CDH4: variants seen among roughly 807,000 people sequenced by gnomAD.
CDH4 encodes cadherin 4.
A neutral mutation model predicts 86.0 loss-of-function variants in CDH4; 33 were observed. The ratio of observed to expected loss-of-function variants is 0.38; its 90% confidence interval spans 0.29 to 0.51. The LOEUF (loss-of-function observed/expected upper bound fraction) is 0.51, where lower values mean the gene tolerates loss of function less well. Ranked by LOEUF, CDH4 falls within the 20% of genes least tolerant of loss-of-function variation. CDH4 has a pLI of 0.86. For missense variants in CDH4, 1,114 were observed against 1,307.4 expected (o/e 0.85, Z 2.28); for synonymous variants, 555 against 549.4 (o/e 1.01, Z -0.14).
intron 2 of CDH4, among the ~76,000 whole-genome samples, chr20:61,275,261 TGGGGGAGCACCATGCGCAGTTG>T (rs2084222562): frequency 7.9e-5 from 9 of 114,194 alleles, no homozygotes; most frequent in Non-Finnish European, 1.2e-4. Context: ...GTGTGCAGTT[TGGGGGAGCACCATGCGCAGTTG>T]GGGGGAGCAC....
intron 2 of CDH4, among the ~76,000 whole-genome samples, chr20:61,315,861 G>A (rs1333738420): frequency 6.6e-6 from 1 of 152,136 alleles, no homozygotes; most frequent in Non-Finnish European, 1.5e-5. Flanking sequence ...ACACCACCAT[G>A]TCCAGCTAAT....
In CDH4 at chr20:61,415,980, G is replaced by A. The variant is rs557714655; in HGVS notation, c.169+161043G>A. 5.3e-5 allele frequency among the ~76,000 whole-genome samples: 8 copies of A among 150,422 alleles called. 1 individual carries two copies. Among genetic ancestry groups the A allele is most frequent in the South Asian group, 4.2e-4 (2 of 4,744 alleles). ...CTCCTAAAGTGCTAGGATTACAGGC[G>A]TGAGCCACCATGCCTGGCCTCTCCT... On this transcript the variant is annotated intron_variant, in intron 2 of 15. Coordinates refer to ENST00000614565, the MANE Select transcript of CDH4 (RefSeq NM_001794.5).
rs527266884 is a variant in CDH4 at position 61,606,269 on chromosome 20, C to T, written c.170-137294C>T. On this transcript the variant is annotated intron_variant, in intron 2 of 15. Transcript: ENST00000614565. Reference sequence around the variant, plus strand: ...ATTCCGATAAGCACCACCTCTGTGCCGGGCTCACTTCCAAGTGCTCTGCGT... The same window carrying T: ...ATTCCGATAAGCACCACCTCTGTGCTGGGCTCACTTCCAAGTGCTCTGCGT... 3.7e-4 allele frequency among the ~76,000 whole-genome samples: 56 copies of T among 152,320 alleles called. No individual in the cohort carries two copies. In the East Asian group the frequency reaches 4.8e-3, roughly 13 times the overall value.
chr20:61,841,980 A>G (rs1201485432), intron 4 of CDH4, among the ~76,000 whole-genome samples: 2 of 152,224 alleles, frequency 1.3e-5, no homozygotes, highest in Non-Finnish European at 2.9e-5. Flanking sequence ...GCACGTAGGA[A>G]CAGCTCTGGT....
chr20:61,875,780 A>G (rs1043211777), intron 7 of CDH4, among the ~76,000 whole-genome samples: 3 of 152,178 alleles, frequency 2.0e-5, no homozygotes, highest in Non-Finnish European at 4.4e-5. Context: ...TCATTCAGCT[A>G]GGGAGATGAT....
At chr20:61,851,542 A>T (rs1982726023) in intron 5 of CDH4, among the ~76,000 whole-genome samples, 1 of 152,162 alleles carries the variant, frequency 6.6e-6, no homozygotes, top group Non-Finnish European at 1.5e-5. Flanking sequence ...GGGCTGGGTG[A>T]TGTTTTGCTG....
intron 2 of CDH4, among the ~76,000 whole-genome samples, chr20:61,455,807 A>G (rs1467023040): frequency 1.3e-5 from 2 of 152,186 alleles, no homozygotes; most frequent in Non-Finnish European, 2.9e-5. Flanking sequence ...GACGCTGTGT[A>G]TGGTCCTTAC....
intron 2 of CDH4, chr20:61,717,825 C>CCCCCA (rs1568774467): frequency 1.4e-5 from 2 of 141,960 alleles, no homozygotes; most frequent in African/African-American, 5.7e-5. Context: ...CCCTGCCCCC[C>CCCCCA]GCCCCCAGCC....
chr20:61,448,903 G>A (rs891658000), intron 2 of CDH4, among the ~76,000 whole-genome samples: 4 of 152,102 alleles, frequency 2.6e-5, no homozygotes, highest in South Asian at 2.1e-4. Context: ...AAATAAAATC[G>A]AAAAGCCCTG....
chr20:61,844,212 G>A (rs967869442), intron 4 of CDH4, among the ~76,000 whole-genome samples: 3 of 152,072 alleles, frequency 2.0e-5, no homozygotes, highest in Admixed American at 2.0e-4. Flanking sequence ...TTTGGACTTG[G>A]GACCCGGATA....
At chr20:61,752,396 G>A (rs1274089270) in intron 3 of CDH4, among the ~76,000 whole-genome samples, 1 of 149,974 alleles carries the variant, frequency 6.7e-6, no homozygotes, top group African/African-American at 2.5e-5. Flanking sequence ...GAGACAATAA[G>A]GCAGAGTCTG....
chr20:61,492,740 A>G (rs1243721200), intron 2 of CDH4, among the ~76,000 whole-genome samples: 1 of 152,248 alleles, frequency 6.6e-6, no homozygotes, highest in Non-Finnish European at 1.5e-5. Context: ...GTCCATGTAC[A>G]ATGACAATAT....
At chr20:61,647,749 C>A (rs951024421) in intron 2 of CDH4, among the ~76,000 whole-genome samples, 1 of 152,128 alleles carries the variant, frequency 6.6e-6, no homozygotes, top group Non-Finnish European at 1.5e-5. Flanking sequence ...GTAGGTACCA[C>A]GGGGAGTTGA....
At chr20:61,451,600 C>G (rs1013368845) in intron 2 of CDH4, among the ~76,000 whole-genome samples, 1 of 152,048 alleles carries the variant, frequency 6.6e-6, no homozygotes, top group Non-Finnish European at 1.5e-5. Context: ...GGAAGATCGC[C>G]GGAGCCCTGA....
intron 2 of CDH4, among the ~76,000 whole-genome samples, chr20:61,722,373 C>T (rs1026585240): frequency 6.6e-6 from 1 of 152,184 alleles, no homozygotes; most frequent in African/African-American, 2.4e-5. Flanking sequence ...CACATGTTGA[C>T]ATATCCTTGG....
At chr20:61,929,471 G>T in intron 12 of CDH4, 138 bp from the exon 13 acceptor site, 1 of 655,448 alleles carries the variant, frequency 1.5e-6, no homozygotes. Flanking sequence ...TGTAGCACAG[G>T]TGTATGTATG....
chr20:61,630,138 T>C (rs1482773192), intron 2 of CDH4, among the ~76,000 whole-genome samples: 1 of 152,096 alleles, frequency 6.6e-6, no homozygotes, highest in African/African-American at 2.4e-5. Flanking sequence ...CGGAGGCAAA[T>C]CCACCCCAGT....
intron 7 of CDH4, among the ~76,000 whole-genome samples, chr20:61,880,666 G>A (rs536970164): frequency 1.2e-4 from 18 of 152,294 alleles, no homozygotes; most frequent in African/African-American, 3.8e-4. Flanking sequence ...CCCCCAGGAC[G>A]CAGAGGCCGC....
At chr20:61,541,041 G>A (rs544634900) in intron 2 of CDH4, among the ~76,000 whole-genome samples, 4 of 152,302 alleles carry the variant, frequency 2.6e-5, no homozygotes, top group African/African-American at 9.6e-5. Flanking sequence ...ATTCCCCATT[G>A]CTAACTAAAA....
Sources: allele counts gnomAD v4.1 joint callset (sites outside exome capture counted in the v4.1 genomes callset), GRCh38; gene constraint gnomAD v4.1.1; transcripts MANE v1.5; gene names NCBI Gene and HGNC (gene_info 2026-07-23, HGNC 2026-07-21).